Variants in HS3ST5 observed in about 807,000 individuals in gnomAD.
HS3ST5 encodes the protein heparan sulfate-glucosamine 3-sulfotransferase 5.
Under a neutral mutation model 25.4 loss-of-function variants are expected in HS3ST5, and 10 were observed. The ratio of observed to expected loss-of-function variants is 0.39; its 90% confidence interval spans 0.24 to 0.67. The LOEUF (loss-of-function observed/expected upper bound fraction) is 0.67. HS3ST5 is among the 30% of genes least tolerant of loss of function. The pLI, the probability that HS3ST5 is intolerant of heterozygous loss-of-function variation, is 0.44. For missense variants in HS3ST5, 324 were observed against 420.7 expected, an observed-to-expected ratio of 0.77 and a Z score of 2.01; for synonymous variants, 170 against 162.4, an observed-to-expected ratio of 1.05 and a Z score of -0.36.
intron 1 of HS3ST5, among the ~76,000 whole-genome samples, chr6:114,272,929 C>T (rs901906232): frequency 2.6e-5 from 4 of 151,940 alleles, no homozygotes; most frequent in Non-Finnish European, 4.4e-5. Flanking sequence ...CAGAGACATA[C>T]GAGAGAGGGG....
At chr6:114,306,292 T>A (rs916121893) in intron 1 of HS3ST5, among the ~76,000 whole-genome samples, 42 of 147,264 alleles carry the variant, frequency 2.9e-4, no homozygotes, top group African/African-American at 9.9e-4. Flanking sequence ...TATATATATA[T>A]AAAATATATA....
At position 114,199,941 on chromosome 6, in the gene HS3ST5, C is replaced by T. The variant is rs113396937; in HGVS notation, c.-145+28644G>A. Among the ~76,000 whole-genome samples, 309 of 152,262 alleles carry T rather than the reference C, an allele frequency of 2.0e-3. 6 individuals are homozygous for T. Among genetic ancestry groups the T allele is most frequent in the East Asian group, 0.014 (74 of 5,174 alleles). ...AAAGATATGAGGTTTGGGCAGGGCA[C>T]GGTGGCTCACGCCTGTGTTCCCAGC... On this transcript the variant is annotated intron_variant, in intron 2 of 4. Transcript: ENST00000312719.
chr6:114,141,849 G>A (rs1777913735), intron 3 of HS3ST5, among the ~76,000 whole-genome samples: 1 of 137,362 alleles, frequency 7.3e-6, no homozygotes, highest in Non-Finnish European at 1.5e-5. Flanking sequence ...CTCTATCTAA[G>A]ATGATAGTTT....
chr6:114,073,168 GACCTA>G (rs1773924518), intron 3 of HS3ST5, among the ~76,000 whole-genome samples: 1 of 152,072 alleles, frequency 6.6e-6, no homozygotes, highest in South Asian at 2.1e-4. Context: ...CTTATTGTAA[GACCTA>G]AAACCATAAA....
intron 1 of HS3ST5, among the ~76,000 whole-genome samples, chr6:114,333,516 T>C (rs555550510): frequency 5.1e-4 from 77 of 152,266 alleles, no homozygotes; most frequent in Admixed American, 1.4e-3. Context: ...AATGCTGCTA[T>C]AAATAACCCT....
At chr6:114,210,273 G>C (rs1781453656) in intron 2 of HS3ST5, among the ~76,000 whole-genome samples, 1 of 152,040 alleles carries the variant, frequency 6.6e-6, no homozygotes, top group African/African-American at 2.4e-5. Flanking sequence ...TACATAATTT[G>C]AAAGCAAAAG....
chr6:114,292,595 G>A (rs980540727), intron 1 of HS3ST5, among the ~76,000 whole-genome samples: 1 of 152,112 alleles, frequency 6.6e-6, no homozygotes, highest in African/African-American at 2.4e-5. Flanking sequence ...GAATATTAAG[G>A]CATACATTCA....
chr6:114,120,842 C>T (rs541482066), intron 3 of HS3ST5, among the ~76,000 whole-genome samples: 16 of 152,088 alleles, frequency 1.1e-4, no homozygotes, highest in Non-Finnish European at 2.2e-4. Flanking sequence ...GGATTTTGTT[C>T]TTTTTCTTTA....
intron 2 of HS3ST5, among the ~76,000 whole-genome samples, chr6:114,209,420 C>CCAATTTT (rs1266891806): frequency 6.6e-6 from 1 of 151,032 alleles, no homozygotes; most frequent in Non-Finnish European, 1.5e-5. Flanking sequence ...TTCCTCTGAC[C>CCAATTTT]CAATTTTCTC....
At chr6:114,089,417 A>G (rs1775010169) in intron 3 of HS3ST5, among the ~76,000 whole-genome samples, 1 of 152,090 alleles carries the variant, frequency 6.6e-6, no homozygotes, top group South Asian at 2.1e-4. Flanking sequence ...AATTTTCCTA[A>G]TTATCAGTGA....
chr6:114,238,596 T>A (rs1230669551), intron 1 of HS3ST5, among the ~76,000 whole-genome samples: 1 of 152,164 alleles, frequency 6.6e-6, no homozygotes, highest in Non-Finnish European at 1.5e-5. Flanking sequence ...GTAAACATTG[T>A]ACCCAATATG....
intron 1 of HS3ST5, among the ~76,000 whole-genome samples, chr6:114,245,866 C>T (rs945345979): frequency 1.3e-5 from 2 of 152,160 alleles, no homozygotes; most frequent in Non-Finnish European, 2.9e-5. Flanking sequence ...GACCCAAACC[C>T]GGTTAGTAAA....
chr6:114,094,866 G>A (rs1582594139), intron 3 of HS3ST5, among the ~76,000 whole-genome samples: 1 of 152,268 alleles, frequency 6.6e-6, no homozygotes, highest in Admixed American at 6.5e-5. Context: ...GGTCCTTCTA[G>A]TAGGCTTACT....
chr6:114,333,747 G>A (rs1776498795), intron 1 of HS3ST5, among the ~76,000 whole-genome samples: 1 of 151,848 alleles, frequency 6.6e-6, no homozygotes, highest in African/African-American at 2.4e-5. Flanking sequence ...CCGGGTTTAC[G>A]TATTACGGCT....
intron 3 of HS3ST5, among the ~76,000 whole-genome samples, chr6:114,105,742 T>G (rs1402520598): frequency 6.6e-6 from 1 of 152,186 alleles, no homozygotes; most frequent in East Asian, 1.9e-4. Context: ...ACTGCTGTTT[T>G]CTGTGTCAAT....
At chr6:114,204,521 G>T (rs1299621062) in intron 2 of HS3ST5, among the ~76,000 whole-genome samples, 1 of 151,842 alleles carries the variant, frequency 6.6e-6, no homozygotes, top group South Asian at 2.1e-4. Flanking sequence ...GAATTTTTAG[G>T]GTTGATGCAT....
intron 1 of HS3ST5, among the ~76,000 whole-genome samples, chr6:114,287,191 T>G (rs1223632356): frequency 6.6e-6 from 1 of 152,070 alleles, no homozygotes; most frequent in Non-Finnish European, 1.5e-5. Flanking sequence ...ATTAATATTA[T>G]GCATTCATGG....
intron 2 of HS3ST5, among the ~76,000 whole-genome samples, chr6:114,210,940 C>T (rs1562239289): frequency 6.6e-6 from 1 of 152,310 alleles, no homozygotes; most frequent in Admixed American, 6.5e-5. Flanking sequence ...CTCCTCCAGG[C>T]CAAAGGTTCC....
intron 3 of HS3ST5, among the ~76,000 whole-genome samples, chr6:114,111,630 A>T (rs2114849565): frequency 6.6e-6 from 1 of 152,326 alleles, no homozygotes; most frequent in South Asian, 2.1e-4. Context: ...AGGGGCCAGA[A>T]ACAGAATGTG....
Sources: allele counts gnomAD v4.1 joint callset (sites outside exome capture counted in the v4.1 genomes callset), GRCh38; gene constraint gnomAD v4.1.1; transcripts MANE v1.5; gene names NCBI Gene and HGNC (gene_info 2026-07-23, HGNC 2026-07-21).